Variants in ARHGAP26 observed in about 807,000 individuals in gnomAD.
The protein encoded by ARHGAP26 is Rho GTPase activating protein 26.
A neutral mutation model predicts 104.8 loss-of-function variants in ARHGAP26; 38 were observed. The ratio of observed to expected loss-of-function variants is 0.36; its 90% CI spans 0.28 to 0.48. ARHGAP26 has a LOEUF of 0.48. Among genes scored for constraint, ARHGAP26 ranks in the 20% least tolerant of loss-of-function variants. The pLI is 0.99. For synonymous variants in ARHGAP26, 341 were observed against 340.0 expected, an observed-to-expected ratio of 1.00 and a Z score of -0.03; for missense variants, 704 against 947.9, an observed-to-expected ratio of 0.74 and a Z score of 3.38.
At chr5:143,150,324 T>G (rs1433023833) in intron 20 of ARHGAP26, among the ~76,000 whole-genome samples, 1 of 152,194 alleles carries the variant, frequency 6.6e-6, no homozygotes, top group African/African-American at 2.4e-5. Context: ...CCCCAAGAGT[T>G]CACAGTCTAG....
At chr5:143,057,262 T>C (rs1180088191) in intron 16 of ARHGAP26, among the ~76,000 whole-genome samples, 1 of 152,190 alleles carries the variant, frequency 6.6e-6, no homozygotes, top group Non-Finnish European at 1.5e-5. Flanking sequence ...CATGTAAGAT[T>C]TGTTTATCAC....
intron 1 of ARHGAP26, among the ~76,000 whole-genome samples, chr5:142,790,497 A>G (rs1055160110): frequency 1.3e-5 from 2 of 152,182 alleles, no homozygotes; most frequent in African/African-American, 2.4e-5. Context: ...AGGCAGACCA[A>G]TATTTTAGAA....
At chr5:142,959,712 C>A (rs1769889917) in intron 11 of ARHGAP26, among the ~76,000 whole-genome samples, 1 of 152,204 alleles carries the variant, frequency 6.6e-6, no homozygotes, top group Non-Finnish European at 1.5e-5. Flanking sequence ...TTCAATTAAG[C>A]CCATCTGGAT....
At chr5:142,939,525 ACTCCT>A (rs1765935191) in intron 11 of ARHGAP26, among the ~76,000 whole-genome samples, 1 of 152,152 alleles carries the variant, frequency 6.6e-6, no homozygotes, top group Non-Finnish European at 1.5e-5. Flanking sequence ...TCCTTCTAGA[ACTCCT>A]GGAATAAATG....
chr5:142,868,284 G>A (rs1026383964), intron 1 of ARHGAP26, among the ~76,000 whole-genome samples: 2 of 152,182 alleles, frequency 1.3e-5, no homozygotes, highest in Non-Finnish European at 2.9e-5. Flanking sequence ...GGAACTGGCA[G>A]AGGCTGGAGC....
chr5:143,188,462 A>T (rs981553266), intron 20 of ARHGAP26, among the ~76,000 whole-genome samples: 1 of 152,270 alleles, frequency 6.6e-6, no homozygotes, highest in Non-Finnish European at 1.5e-5. Flanking sequence ...TGTCATTTGT[A>T]ATAGTCCTTC....
At chr5:142,818,591 T>TATC (rs1188542517) in intron 1 of ARHGAP26, among the ~76,000 whole-genome samples, 12 of 152,330 alleles carry the variant, frequency 7.9e-5, no homozygotes, top group Admixed American at 6.5e-4. Flanking sequence ...TTATTAGCTA[T>TATC]ATCACCTTGG....
At chr5:143,176,891 C>T (rs923628597) in intron 20 of ARHGAP26, among the ~76,000 whole-genome samples, 3 of 152,122 alleles carry the variant, frequency 2.0e-5, no homozygotes, top group Non-Finnish European at 4.4e-5. Flanking sequence ...ATCTAATTTG[C>T]AAAGAGAATT....
At chr5:143,160,129 G>A (rs368114407) in intron 20 of ARHGAP26, among the ~76,000 whole-genome samples, 9 of 149,106 alleles carry the variant, frequency 6.0e-5, no homozygotes, top group African/African-American at 2.0e-4. Flanking sequence ...GTGCAATCTC[G>A]GCTCACTGCA....
chr5:143,076,336 C>A (rs1266154547), intron 17 of ARHGAP26, among the ~76,000 whole-genome samples: 1 of 152,024 alleles, frequency 6.6e-6, no homozygotes, highest in African/African-American at 2.4e-5. Context: ...GTATACTGCA[C>A]TTTTTAAAAT....
intron 13 of ARHGAP26, among the ~76,000 whole-genome samples, chr5:143,039,209 T>G (rs1345218898): frequency 2.6e-5 from 4 of 152,132 alleles, no homozygotes; most frequent in Non-Finnish European, 5.9e-5. Context: ...ATTTTTCTTT[T>G]TTCTTTTTCT....
chr5:142,902,465 T>C (rs997884744), intron 7 of ARHGAP26, among the ~76,000 whole-genome samples: 3 of 152,206 alleles, frequency 2.0e-5, no homozygotes, highest in Non-Finnish European at 4.4e-5. Flanking sequence ...AAGGATGTTC[T>C]CTTGTCCAAC....
At chr5:143,097,010 C>G (rs888334264) in intron 17 of ARHGAP26, among the ~76,000 whole-genome samples, 2 of 152,080 alleles carry the variant, frequency 1.3e-5, no homozygotes, top group African/African-American at 4.8e-5. Flanking sequence ...TTTGGGAGGC[C>G]AAGGCAGATG....
At chr5:142,954,641 G>A (rs1396788601) in intron 11 of ARHGAP26, among the ~76,000 whole-genome samples, 3 of 152,170 alleles carry the variant, frequency 2.0e-5, no homozygotes, top group African/African-American at 4.8e-5. Flanking sequence ...ACATTTTCAG[G>A]TGGCATATTA....
intron 20 of ARHGAP26, among the ~76,000 whole-genome samples, chr5:143,194,701 A>G (rs6861366): frequency 0.23 from 35,242 of 152,142 alleles, 5,124 homozygotes; most frequent in African/African-American, 0.42. Flanking sequence ...TTTTCCTTCA[A>G]TTTGTTTTTA....
chr5:143,060,329 A>G (rs1254321031), intron 17 of ARHGAP26, among the ~76,000 whole-genome samples: 2 of 152,198 alleles, frequency 1.3e-5, no homozygotes, highest in Middle Eastern at 3.2e-3. Flanking sequence ...TTTGTATTGT[A>G]TATTTTTTAA....
chr5:142,893,344 C>T (rs1758981664), intron 5 of ARHGAP26, among the ~76,000 whole-genome samples: 2 of 152,138 alleles, frequency 1.3e-5, no homozygotes, highest in African/African-American at 4.8e-5. Context: ...ACTTTTTTAG[C>T]ACCTACATAT....
intron 1 of ARHGAP26, among the ~76,000 whole-genome samples, chr5:142,852,816 C>T (rs984335123): frequency 6.6e-6 from 1 of 152,196 alleles, no homozygotes; most frequent in African/African-American, 2.4e-5. Context: ...ACCAACAAAA[C>T]AGAGTTTACC....
intron 17 of ARHGAP26, among the ~76,000 whole-genome samples, chr5:143,096,932 T>C (rs1208899300): frequency 6.6e-6 from 1 of 152,152 alleles, no homozygotes; most frequent in African/African-American, 2.4e-5. Context: ...AATATCCTCA[T>C]TCTAGCCACC....
Sources: allele counts gnomAD v4.1 joint callset (sites outside exome capture counted in the v4.1 genomes callset), GRCh38; gene constraint gnomAD v4.1.1; transcripts MANE v1.5; gene names NCBI Gene and HGNC (gene_info 2026-07-23, HGNC 2026-07-21).